Variants in PLEKHB2 observed in about 807,000 individuals in gnomAD.
PLEKHB2 encodes the protein pleckstrin homology domain-containing family B member 2.
Under a neutral mutation model 36.5 loss-of-function variants are expected in PLEKHB2, and 31 were observed. The observed-to-expected ratio is 0.85, with a 90% CI of 0.64 to 1.15. The LOEUF (loss-of-function observed/expected upper bound fraction) is 1.15, where lower values mean the gene tolerates loss of function less well. Among genes scored for constraint, PLEKHB2 ranks in the 50% most tolerant of loss-of-function variants. The probability of loss-of-function intolerance (pLI) is 0.00; values close to 1 mark genes in which losing one functional copy is unlikely to be tolerated. For missense variants in PLEKHB2, 262 were observed against 295.3 expected, an observed-to-expected ratio of 0.89 and a Z score of 0.83; for synonymous variants, 119 against 112.0, an observed-to-expected ratio of 1.06 and a Z score of -0.39.
intron 2 of PLEKHB2, among the ~76,000 whole-genome samples, chr2:131,124,200 A>G (rs997577141): frequency 1.3e-5 from 2 of 152,176 alleles, no homozygotes; most frequent in Non-Finnish European, 2.9e-5. Flanking sequence ...GGTATCACTT[A>G]GTGGTCAGTT....
chr2:131,134,148 C>T (rs1392080373), intron 6 of PLEKHB2, among the ~76,000 whole-genome samples: 1 of 152,078 alleles, frequency 6.6e-6, no homozygotes, highest in East Asian at 1.9e-4. Flanking sequence ...ATCCGCCCAC[C>T]TCGGCCTCCC....
chr2:131,110,071 C>G (rs181863984), intron 1 of PLEKHB2, among the ~76,000 whole-genome samples: 2 of 151,742 alleles, frequency 1.3e-5, no homozygotes, highest in African/African-American at 4.8e-5. Flanking sequence ...GCTGAGATCG[C>G]GCCACTGCCC....
intron 1 of PLEKHB2, among the ~76,000 whole-genome samples, chr2:131,110,724 G>T (rs982138852): frequency 3.9e-5 from 6 of 151,918 alleles, no homozygotes; most frequent in Admixed American, 1.3e-4. Flanking sequence ...ATAATTTTCC[G>T]TTAGCATTTT....
intron 6 of PLEKHB2, among the ~76,000 whole-genome samples, chr2:131,133,634 G>GT (rs1442035507): frequency 6.6e-6 from 1 of 152,146 alleles, no homozygotes; most frequent in Non-Finnish European, 1.5e-5. Context: ...TGTAGATTGT[G>GT]TAGCTACCAC....
intron 6 of PLEKHB2, among the ~76,000 whole-genome samples, chr2:131,133,838 A>G (rs1697961831): frequency 6.6e-6 from 1 of 151,650 alleles, no homozygotes; most frequent in Non-Finnish European, 1.5e-5. Context: ...TTTTTCACTC[A>G]GTATTTGCCC....
At chr2:131,117,076 A>G (rs561590314) in intron 1 of PLEKHB2, among the ~76,000 whole-genome samples, 30 of 151,634 alleles carry the variant, frequency 2.0e-4, no homozygotes, top group African/African-American at 6.8e-4. Flanking sequence ...GAGCCTAGAT[A>G]GTGCCATTGC....
intron 7 of PLEKHB2, among the ~76,000 whole-genome samples, chr2:131,143,660 C>T (rs1259666065): frequency 6.6e-6 from 1 of 152,152 alleles, no homozygotes; most frequent in Non-Finnish European, 1.5e-5. Context: ...TTCAGTAGGT[C>T]TCAAGTGGAA....
At chr2:131,109,930 C>G (rs899880080) in intron 1 of PLEKHB2, among the ~76,000 whole-genome samples, 32 of 151,748 alleles carry the variant, frequency 2.1e-4, no homozygotes, top group African/African-American at 7.7e-4. Context: ...CTGGCTGACA[C>G]GGTGAAACCC....
chr2:131,126,693 C>T lies in PLEKHB2; in HGVS notation c.200C>T (p.Pro67Leu). Residue 67 changes from proline (P) to leucine (L), a missense_variant, in exon 4 of 8, where the codon CCC (proline) becomes CTC (leucine). Pro to Leu is a moderately conservative substitution (Grantham distance 98). Transcript: ENST00000693505. ...RTGQECRDTQ[P>L]PDGKSKDCML... is the part of the protein sequence containing the mutation. ...TGCTTATTTTTCATAGATACTCAGC[C>T]CCCGGATGGAAAGTCAAAAGACTGC... 14 of 1,597,478 alleles carry T rather than the reference C, an allele frequency of 8.8e-6. No homozygotes were observed. Among genetic ancestry groups the T allele is most frequent in the Non-Finnish European group, 1.2e-5 (14 of 1,165,006 alleles).
At position 131,149,624 on chromosome 2, in the gene PLEKHB2, A is replaced by G. The variant is rs1025887882; in HGVS notation, c.*2851A>G. On this transcript the variant is annotated 3_prime_UTR_variant, in exon 8 of 8. Transcript: ENST00000693505. ...AAAATGACCCAAGTGTATTTTCCAC[A>G]AGTTTTGATCCTGTGTAATATTTCT... is the stretch of plus-strand genomic sequence containing the variant. 2.0e-5 allele frequency: 3 copies of G among 152,234 alleles called. No individual in the cohort carries two copies. Among genetic ancestry groups the G allele is most frequent in the Admixed American group, 6.5e-5 (1 of 15,292 alleles). The allele number at this position is 152,234 out of a possible 1,614,324, so 9.4% of individuals were successfully genotyped here.
At chr2:131,139,430 A>G (rs1408140473) in intron 6 of PLEKHB2, among the ~76,000 whole-genome samples, 1 of 144,828 alleles carries the variant, frequency 6.9e-6, no homozygotes, top group Admixed American at 7.0e-5. Context: ...TAACAGGTTT[A>G]GATCTACACA....
intron 6 of PLEKHB2, among the ~76,000 whole-genome samples, chr2:131,136,486 A>AC (rs1438269173): frequency 6.6e-6 from 1 of 151,540 alleles, no homozygotes; most frequent in Non-Finnish European, 1.5e-5. Flanking sequence ...ATTTTGTTAA[A>AC]TACTTTTTCT....
chr2:131,136,735 TG>T lies in PLEKHB2; in HGVS notation c.424-3431del, dbSNP rs1182260388. On this transcript the variant is annotated intron_variant, in intron 6 of 7. Transcript: ENST00000693505. The stretch of plus-strand genomic sequence containing the variant: ...TCTATAGTTTTCTTTTTTTGTACTT[TG>T]TTTTGTTTTATCAAGGCAATACTGA... Among the ~76,000 whole-genome samples, 6 of 151,760 alleles carry T rather than the reference TG, an allele frequency of 4.0e-5. No individual in the cohort carries two copies. In the East Asian group the frequency reaches 1.2e-3, roughly 29 times the overall value.
intron 5 of PLEKHB2, among the ~76,000 whole-genome samples, chr2:131,132,000 A>G (rs1697754593): frequency 6.6e-6 from 1 of 151,908 alleles, no homozygotes; most frequent in Non-Finnish European, 1.5e-5. Context: ...CGCCCAGCTA[A>G]TTTTTGTATT....
chr2:131,116,574 A>G (rs544143423), intron 1 of PLEKHB2, among the ~76,000 whole-genome samples: 2 of 152,284 alleles, frequency 1.3e-5, no homozygotes, highest in African/African-American at 4.8e-5. Context: ...GAGTGAACAC[A>G]CTTATAAACA....
rs16856538 is a variant in PLEKHB2, at chr2:131,143,706, A to G, written c.533-2931A>G. On this transcript the variant is annotated intron_variant, in intron 7 of 7. Coordinates refer to ENST00000693505, the MANE Select transcript of PLEKHB2 (RefSeq NM_001100623.2). ...GCTTTAGTTTATATCACCTTTTATG[A>G]ATAATTTTCCTTTGCACATTTTTCT... 3.5e-3 allele frequency among the ~76,000 whole-genome samples: 527 copies of G among 152,264 alleles called. 6 individuals carry two copies. Among genetic ancestry groups the G allele is most frequent in the Admixed American group, 0.031 (478 of 15,294 alleles).
chr2:131,147,058 T>G lies in PLEKHB2; in HGVS notation c.*285T>G, dbSNP rs1699353309. On this transcript the variant is annotated 3_prime_UTR_variant, in exon 8 of 8. Transcript: ENST00000693505. ...TTGAGCATACCTGTTTTGAAAGGCATTTTCTTTTTAGAGTTAGGTGTAGTG... is the reference window on the plus strand; with the variant it reads ...TTGAGCATACCTGTTTTGAAAGGCAGTTTCTTTTTAGAGTTAGGTGTAGTG... The G allele has an allele frequency of 3.9e-6, 1 of 257,306 alleles. No individual in the cohort carries two copies. The highest frequency in any genetic ancestry group is 7.3e-6 in the Non-Finnish European group (1 of 137,356). The allele number at this position is 257,306 out of a possible 1,614,324, so 15.9% of individuals were successfully genotyped here.
At chr2:131,113,191 T>C (rs1695502744) in intron 1 of PLEKHB2, among the ~76,000 whole-genome samples, 1 of 151,942 alleles carries the variant, frequency 6.6e-6, no homozygotes, top group East Asian at 1.9e-4. Flanking sequence ...CAAGTGGTCC[T>C]CTTACCTCAG....
intron 6 of PLEKHB2, among the ~76,000 whole-genome samples, chr2:131,134,274 C>G (rs538879322): frequency 3.9e-5 from 6 of 152,170 alleles, no homozygotes; most frequent in African/African-American, 1.2e-4. Context: ...ACAACCTCCA[C>G]CTCCCGGGTT....
Sources: allele counts gnomAD v4.1 joint callset (sites outside exome capture counted in the v4.1 genomes callset), GRCh38; gene constraint gnomAD v4.1.1; transcripts MANE v1.5; gene names NCBI Gene and HGNC (gene_info 2026-07-23, HGNC 2026-07-21).